CEP76: variants seen among roughly 807,000 people sequenced by gnomAD.
CEP76 encodes centrosomal protein of 76 kDa.
CEP76 carries 55 observed loss-of-function variants against 83.3 expected under a neutral mutation model. The observed-to-expected ratio is 0.66, with a 90% confidence interval of 0.53 to 0.83. CEP76 has a LOEUF of 0.83. Ranked by LOEUF, CEP76 falls within the 40% of genes least tolerant of loss-of-function variation. CEP76 has a pLI of 0.00. For missense variants in CEP76, 694 were observed against 799.5 expected, an observed-to-expected ratio of 0.87 and a Z score of 1.59; for synonymous variants, 270 against 274.5, an observed-to-expected ratio of 0.98 and a Z score of 0.16.
chr18:12,687,447 G>A (rs1196253211), intron 7 of CEP76, among the ~76,000 whole-genome samples: 2 of 151,684 alleles, frequency 1.3e-5, no homozygotes, highest in Non-Finnish European at 2.9e-5. Flanking sequence ...AACTATAGAA[G>A]GCATCAATTT....
intron 5 of CEP76, among the ~76,000 whole-genome samples, chr18:12,696,235 G>A (rs1466444732): frequency 6.6e-6 from 1 of 152,116 alleles, no homozygotes; most frequent in Non-Finnish European, 1.5e-5. Flanking sequence ...GCTGGGCGCG[G>A]TGACTCACGC....
At chr18:12,676,591 A>G (rs2039144830) in intron 10 of CEP76, among the ~76,000 whole-genome samples, 1 of 152,060 alleles carries the variant, frequency 6.6e-6, no homozygotes, top group African/African-American at 2.4e-5. Context: ...AATTTTTATA[A>G]GATATTGCTT....
intron 11 of CEP76, 78 bp downstream of exon 11, chr18:12,674,455 AAAG>A: frequency 9.6e-7 from 1 of 1,043,864 alleles, no homozygotes; most frequent in South Asian, 1.5e-5. Flanking sequence ...AAAAAAAAAA[AAAG>A]GAAATTAAAA....
intron 4 of CEP76, 187 bp downstream of exon 4, chr18:12,698,792 A>C: frequency 1.7e-6 from 1 of 579,386 alleles, no homozygotes; most frequent in African/African-American, 1.9e-5. Context: ...TATCCAGGGA[A>C]AATGAATAGC....
At chr18:12,673,587 T>G (rs2039007991) in intron 11 of CEP76, 84 bp from the exon 12 acceptor site, 3 of 1,222,322 alleles carry the variant, frequency 2.5e-6, no homozygotes, top group Non-Finnish European at 3.4e-6. Context: ...GTATTTAAAA[T>G]AATTTTTTCA....
intron 6 of CEP76, among the ~76,000 whole-genome samples, chr18:12,692,628 T>G (rs1056619313): frequency 2.0e-5 from 3 of 152,198 alleles, no homozygotes; most frequent in African/African-American, 7.2e-5. Flanking sequence ...ATATCACCTG[T>G]AATAATTCTC....
chr18:12,677,823 G>A (rs1002045102), intron 10 of CEP76, among the ~76,000 whole-genome samples: 2 of 152,116 alleles, frequency 1.3e-5, no homozygotes, highest in Non-Finnish European at 2.9e-5. Flanking sequence ...AATCCAAATA[G>A]TGGTATTCAG....
chr18:12,669,322 GGCT>G (rs1364347451), downstream of CEP76, among the ~76,000 whole-genome samples: 1 of 151,862 alleles, frequency 6.6e-6, no homozygotes, highest in Non-Finnish European at 1.5e-5. Flanking sequence ...ATGTTGGTCA[GGCT>G]GGTCTCGAAC....
intron 6 of CEP76, among the ~76,000 whole-genome samples, chr18:12,694,298 G>A (rs1013613652): frequency 1.3e-5 from 2 of 152,198 alleles, no homozygotes; most frequent in African/African-American, 4.8e-5. Flanking sequence ...CCACAGGTCT[G>A]TAAAAGGAAC....
At chr18:12,674,163 G>C (rs986342265) in intron 11 of CEP76, among the ~76,000 whole-genome samples, 1 of 151,988 alleles carries the variant, frequency 6.6e-6, no homozygotes, top group African/African-American at 2.4e-5. Context: ...TAGGCTGGGT[G>C]CAACGGCTCA....
Position 12,672,707 on chromosome 18 carries a change from T to G in CEP76, c.*658A>C. On this transcript the variant is annotated 3_prime_UTR_variant, in exon 12 of 12. Transcript: ENST00000262127. ...AGTTTTTCTAAAATACCCAATTCAT[T>G]TTTACAACAAATCACAGTGATAAAT... 1.0e-6 allele frequency: 1 copy of G among 972,260 alleles called. No individual in the cohort carries two copies. The highest frequency in any genetic ancestry group is 1.2e-6 in the Non-Finnish European group (1 of 817,808). The allele number at this position is 972,260 out of a possible 1,614,324, so 60.2% of individuals were successfully genotyped here. A position where few individuals can be genotyped will look rare whatever the true frequency, so the allele number is the denominator to read the frequency against.
At chr18:12,669,933 G>GCTGCGGTGAGCCGAGA (rs2038899284), downstream of CEP76, among the ~76,000 whole-genome samples, 2 of 149,454 alleles carry the variant, frequency 1.3e-5, no homozygotes, top group Admixed American at 6.7e-5. Flanking sequence ...GGAGGCGGAG[G>GCTGCGGTGAGCCGAGA]TTGCGGTGAG....
At chr18:12,689,121 A>C (rs184997320) in intron 7 of CEP76, among the ~76,000 whole-genome samples, 3 of 152,106 alleles carry the variant, frequency 2.0e-5, no homozygotes, top group Admixed American at 2.0e-4. Context: ...CAACAACAAC[A>C]AAAAAAAGTT....
At chr18:12,686,037 G>A (rs77554380) in intron 8 of CEP76, 8 of 389,040 alleles carry the variant, frequency 2.1e-5, no homozygotes, top group African/African-American at 6.2e-5. Context: ...CTACATAAAC[G>A]TTGTTACACA....
chr18:12,672,561 A>AAG (rs2038975591), downstream of CEP76: 1 of 700,358 alleles, frequency 1.4e-6, no homozygotes, highest in Non-Finnish European at 1.8e-6. Flanking sequence ...CAATGAAAGA[A>AAG]AAAAGGGTTT....
intron 2 of CEP76, 60 bp from the exon 3 acceptor site, chr18:12,699,965 T>A (rs2040095890): frequency 3.4e-6 from 4 of 1,173,918 alleles, no homozygotes; most frequent in Non-Finnish European, 1.2e-6. Context: ...GTTAAGGAAA[T>A]GTCAATAAAC....
chr18:12,675,929 A>G (rs961582153), intron 10 of CEP76, among the ~76,000 whole-genome samples: 2 of 152,268 alleles, frequency 1.3e-5, no homozygotes, highest in Admixed American at 6.5e-5. Context: ...TCGGCCTCCC[A>G]AAGTGCTGGG....
At chr18:12,680,864 C>T in intron 8 of CEP76, 36 bp from the exon 9 acceptor site, 4 of 1,547,456 alleles carry the variant, frequency 2.6e-6, no homozygotes, top group Non-Finnish European at 2.6e-6. Flanking sequence ...TTCATTCTTC[C>T]ATATTATTTC....
Position 12,700,944 on chromosome 18 carries a change from A to C in CEP76, c.219+14T>G. ...CATATATACTCTCATTTATTTCCCT[A>C]AAAGATTACTCACAGTAACAAAATT... On this transcript the variant is annotated intron_variant, in intron 2 of 11. Transcript: ENST00000262127. The C allele has an allele frequency of 6.2e-7, 1 of 1,603,852 alleles. No homozygotes were observed. Among genetic ancestry groups the C allele is most frequent in the Non-Finnish European group, 8.5e-7 (1 of 1,171,846 alleles).
Sources: allele counts gnomAD v4.1 joint callset (sites outside exome capture counted in the v4.1 genomes callset), GRCh38; gene constraint gnomAD v4.1.1; transcripts MANE v1.5; gene names NCBI Gene and HGNC (gene_info 2026-07-23, HGNC 2026-07-21).